Variants in CRTAC1 observed in about 807,000 individuals in gnomAD.
CRTAC1 encodes the protein cartilage acidic protein 1.
In CRTAC1, 37 loss-of-function variants were observed where a neutral mutation model predicts 67.8. That is an observed-to-expected ratio of 0.55 (90% CI 0.42 to 0.72). The LOEUF (loss-of-function observed/expected upper bound fraction) is 0.72, where lower values mean the gene tolerates loss of function less well. CRTAC1 is among the 30% of genes least tolerant of loss of function. The probability of loss-of-function intolerance (pLI) is 0.00; values close to 1 mark genes in which losing one functional copy is unlikely to be tolerated. For synonymous variants in CRTAC1, 348 were observed against 371.0 expected, an observed-to-expected ratio of 0.94 and a Z score of 0.71; for missense variants, 780 against 931.6, an observed-to-expected ratio of 0.84 and a Z score of 2.12.
At chr10:97,991,491 G>A (rs1166760003) in intron 2 of CRTAC1, among the ~76,000 whole-genome samples, 4 of 150,978 alleles carry the variant, frequency 2.6e-5, no homozygotes, top group Non-Finnish European at 4.4e-5. Flanking sequence ...TTATCCCCCC[G>A]ATAAAAAGAG....
At chr10:98,027,290 TA>T (rs1843257039) in intron 1 of CRTAC1, among the ~76,000 whole-genome samples, 1 of 151,968 alleles carries the variant, frequency 6.6e-6, no homozygotes. Context: ...ATGGAAATGG[TA>T]GTATCTTGCA....
intron 2 of CRTAC1, among the ~76,000 whole-genome samples, chr10:97,962,874 G>C (rs1213717676): frequency 6.7e-6 from 1 of 149,960 alleles, no homozygotes; most frequent in Admixed American, 6.6e-5. Flanking sequence ...GAAAAGAATA[G>C]CAAAAAAAAC....
chr10:97,951,470 T>G (rs957996411), intron 2 of CRTAC1, among the ~76,000 whole-genome samples: 2 of 152,214 alleles, frequency 1.3e-5, no homozygotes, highest in Non-Finnish European at 2.9e-5. Context: ...GGGTCTTTGT[T>G]GCAGGCTGCC....
At chr10:98,008,295 G>A (rs1842834398) in intron 2 of CRTAC1, among the ~76,000 whole-genome samples, 1 of 152,128 alleles carries the variant, frequency 6.6e-6, no homozygotes, top group Non-Finnish European at 1.5e-5. Context: ...GGGGCAAAAC[G>A]ATAGCAAAAA....
At chr10:97,870,562 T>A (rs187244189) in intron 14 of CRTAC1, 1 of 152,190 alleles carries the variant, frequency 6.6e-6, no homozygotes, top group African/African-American at 2.4e-5. Context: ...CTGAGCTGTA[T>A]ACTTAAGAGC....
intron 14 of CRTAC1, chr10:97,879,675 G>A: frequency 6.5e-7 from 1 of 1,531,536 alleles, no homozygotes. Flanking sequence ...TTCCTTTATT[G>A]ATGGGATTTA....
At chr10:98,021,427 G>A (rs1843118687) in intron 1 of CRTAC1, among the ~76,000 whole-genome samples, 1 of 152,174 alleles carries the variant, frequency 6.6e-6, no homozygotes, top group Non-Finnish European at 1.5e-5. Context: ...TGCCACAGAG[G>A]CCAGTGGGCT....
intron 5 of CRTAC1, among the ~76,000 whole-genome samples, chr10:97,912,890 A>G (rs1371608556): frequency 6.6e-6 from 1 of 152,178 alleles, no homozygotes; most frequent in African/African-American, 2.4e-5. Context: ...TGGACACAGG[A>G]TAAGCATGTT....
chr10:97,950,681 C>T (rs535081), intron 2 of CRTAC1, among the ~76,000 whole-genome samples: 56,265 of 151,990 alleles, frequency 0.37, 10,771 homozygotes, highest in Non-Finnish European at 0.43. Context: ...TGCTGGTCAC[C>T]GCTCATGGGG....
chr10:98,021,964 G>A (rs1000212191), intron 1 of CRTAC1, among the ~76,000 whole-genome samples: 5 of 152,152 alleles, frequency 3.3e-5, no homozygotes, highest in South Asian at 2.1e-4. Context: ...TATGGGCCAC[G>A]TTAGAAATGA....
intron 5 of CRTAC1, among the ~76,000 whole-genome samples, chr10:97,909,099 C>T (rs775706545): frequency 1.2e-4 from 18 of 152,086 alleles, no homozygotes; most frequent in Middle Eastern, 3.2e-3. Flanking sequence ...TTTTTTAAAA[C>T]GGAAAGAAAT....
At chr10:98,020,637 G>A (rs1021424342) in intron 1 of CRTAC1, among the ~76,000 whole-genome samples, 24 of 152,258 alleles carry the variant, frequency 1.6e-4, no homozygotes, top group Admixed American at 1.4e-3. Context: ...GCTGGGGAAG[G>A]CCTAAGAGGC....
At chr10:97,991,404 C>T (rs1221787556) in intron 2 of CRTAC1, among the ~76,000 whole-genome samples, 2 of 126,544 alleles carry the variant, frequency 1.6e-5, no homozygotes, top group Non-Finnish European at 3.5e-5. Flanking sequence ...CAGAGGGGAA[C>T]CCTGTCTTTT....
At chr10:97,948,226 G>A (rs1163958976) in intron 2 of CRTAC1, among the ~76,000 whole-genome samples, 1 of 152,140 alleles carries the variant, frequency 6.6e-6, no homozygotes, top group Non-Finnish European at 1.5e-5. Flanking sequence ...GAAGGCAAGG[G>A]TTAAAATAAG....
At chr10:97,989,823 G>A (rs1365724942) in intron 2 of CRTAC1, among the ~76,000 whole-genome samples, 1 of 152,204 alleles carries the variant, frequency 6.6e-6, no homozygotes, top group Non-Finnish European at 1.5e-5. Flanking sequence ...AGGAGTTAGA[G>A]TTTAACCACA....
rs190909297 is a variant in CRTAC1 at position 97,881,119 on chromosome 10, C to T, written c.1676-727G>A. ...CCCTCCAATCCACTCTGCAATTCAG[C>T]AGCTGGAGGGAGCCTTTAAAAATGT... On this transcript the variant is annotated intron_variant, in intron 13 of 14. Transcript: ENST00000370597. Among the ~76,000 whole-genome samples the T allele has an allele frequency of 5.2e-3, 799 of 152,302 alleles. 5 individuals are homozygous for T. Among genetic ancestry groups the T allele is most frequent in the Middle Eastern group, 0.041 (12 of 294 alleles).
intron 2 of CRTAC1, among the ~76,000 whole-genome samples, chr10:97,966,777 A>G (rs1382703195): frequency 6.6e-6 from 1 of 152,052 alleles, no homozygotes; most frequent in Non-Finnish European, 1.5e-5. Context: ...CTGGTCAGGT[A>G]TTTTTGCAGA....
intron 11 of CRTAC1, among the ~76,000 whole-genome samples, chr10:97,885,306 C>G (rs536530892): frequency 6.6e-6 from 1 of 152,008 alleles, no homozygotes; most frequent in Admixed American, 6.6e-5. Context: ...TCAAGGCCAG[C>G]CTGGGCAACA....
chr10:97,883,580 C>T (rs569098117), intron 12 of CRTAC1, among the ~76,000 whole-genome samples: 1 of 152,344 alleles, frequency 6.6e-6, no homozygotes, highest in East Asian at 1.9e-4. Context: ...GGTCCTTGAG[C>T]TCCTAGGGCT....
Sources: allele counts gnomAD v4.1 joint callset (sites outside exome capture counted in the v4.1 genomes callset), GRCh38; gene constraint gnomAD v4.1.1; transcripts MANE v1.5; gene names NCBI Gene and HGNC (gene_info 2026-07-23, HGNC 2026-07-21).